The following SETBP1 variants were observed in gnomAD, a reference collection of about 807,000 sequenced individuals.
SETBP1 encodes SET binding protein 1.
A neutral mutation model predicts 101.0 loss-of-function variants in SETBP1; 9 were observed. The ratio of observed to expected loss-of-function variants is 0.09; its 90% CI spans 0.05 to 0.16. SETBP1 has a LOEUF of 0.16. SETBP1 is among the 10% of genes least tolerant of loss of function. SETBP1 has a pLI of 1.00. For synonymous variants in SETBP1, 818 were observed against 788.5 expected (o/e 1.04, Z -0.63); for missense variants, 1,858 against 2,033.8 (o/e 0.91, Z 1.66).
At chr18:44,790,081 T>G (rs2071339096) in intron 2 of SETBP1, among the ~76,000 whole-genome samples, 1 of 152,190 alleles carries the variant, frequency 6.6e-6, no homozygotes, top group Admixed American at 6.5e-5. Context: ...CTGCACAGAT[T>G]ACAGTTCTGT....
chr18:44,890,177 G>A (rs2069735856), intron 3 of SETBP1, among the ~76,000 whole-genome samples: 1 of 152,062 alleles, frequency 6.6e-6, no homozygotes, highest in Admixed American at 6.6e-5. Flanking sequence ...TAGTCACTAT[G>A]TTGTAAAATA....
chr18:44,707,617 CT>C (rs1462947535), intron 2 of SETBP1, among the ~76,000 whole-genome samples: 1 of 152,206 alleles, frequency 6.6e-6, no homozygotes, highest in Non-Finnish European at 1.5e-5. Context: ...CATTCACAAT[CT>C]GCTTTTGAGA....
At chr18:44,815,226 C>G (rs1278666740) in intron 2 of SETBP1, among the ~76,000 whole-genome samples, 1 of 152,234 alleles carries the variant, frequency 6.6e-6, no homozygotes, top group Non-Finnish European at 1.5e-5. Flanking sequence ...CCGTTAGGAA[C>G]TGAACTCTTT....
rs985954731 is a variant in SETBP1 at position 44,701,455 on chromosome 18, C to G, written c.109C>G (p.Pro37Ala). ...PPAAPGCAGEPLLSTPGPGKG... is the reference protein window; with the variant it reads ...PPAAPGCAGEALLSTPGPGKG... ...AGCTGCTCCTGGCTGTGCAGGAGAACCTTTGCTCTCCACTCCAGGACCTGG... is the reference window on the plus strand; with the variant it reads ...AGCTGCTCCTGGCTGTGCAGGAGAAGCTTTGCTCTCCACTCCAGGACCTGG... The change falls in exon 2 of 6, where the codon CCT becomes GCT. Residue 37 changes from proline to alanine, a missense_variant. This residue lies in a region of SETBP1 where 97 missense variants were observed against 101.2 expected (regional missense o/e 0.96). Transcript: ENST00000649279. 6.2e-7 allele frequency: 1 copy of G among 1,612,746 alleles called. No homozygotes were observed. The highest frequency in any genetic ancestry group is 1.3e-5 in the African/African-American group (1 of 74,868).
intron 2 of SETBP1, among the ~76,000 whole-genome samples, chr18:44,844,349 G>A (rs903972556): frequency 4.3e-4 from 35 of 80,826 alleles, no homozygotes; most frequent in Admixed American, 1.7e-3. Context: ...GTGCACACAC[G>A]CGCGCACACA....
chr18:44,680,203 TCGC>T (rs1236617617), upstream of SETBP1: 4 of 140,662 alleles, frequency 2.8e-5, no homozygotes, highest in Non-Finnish European at 4.7e-5. Flanking sequence ...CGCCCGCCGC[TCGC>T]CGCCGCCTCC....
intron 1 of SETBP1, among the ~76,000 whole-genome samples, chr18:44,687,029 A>G (rs976858505): frequency 6.6e-6 from 1 of 152,202 alleles, no homozygotes; most frequent in Non-Finnish European, 1.5e-5. Flanking sequence ...TTAACCATAC[A>G]GTCATCTTTG....
At chr18:44,824,744 G>T (rs1220882182) in intron 2 of SETBP1, among the ~76,000 whole-genome samples, 2 of 152,194 alleles carry the variant, frequency 1.3e-5, no homozygotes, top group African/African-American at 2.4e-5. Context: ...TTGAAAAAAA[G>T]AAGGGGATGG....
chr18:45,013,118 G>A (rs1341073727), intron 4 of SETBP1, among the ~76,000 whole-genome samples: 3 of 152,222 alleles, frequency 2.0e-5, no homozygotes, highest in Non-Finnish European at 2.9e-5. Flanking sequence ...GTTGAGCCCC[G>A]TGGTGTCTGC....
At chr18:44,937,269 G>A (rs2070980560) in intron 3 of SETBP1, among the ~76,000 whole-genome samples, 2 of 151,622 alleles carry the variant, frequency 1.3e-5, no homozygotes, top group Non-Finnish European at 1.5e-5. Context: ...CGGCTAAAAC[G>A]GTGAAACCCC....
In SETBP1 at chr18:45,063,287, G is replaced by A. The variant is rs1395617459; in HGVS notation, c.4380G>A (p.Gln1460=). ...AGAGGCGCGGGCGTCCCAGGAAGCA[G>A]CCCACCCAGTTCGATGAGGACTCCA... is the stretch of plus-strand genomic sequence containing the variant. ...VKKRRGRPRK[Q]PTQFDEDSRD... is the part of the protein sequence containing the mutation. Residue 1460 remains glutamine (Q), a synonymous_variant, in exon 6 of 6, where the codon CAG becomes CAA. Transcript: ENST00000649279. The A allele has an allele frequency of 1.9e-6, 3 of 1,609,534 alleles. No individual in the cohort carries two copies. Among genetic ancestry groups the A allele is most frequent in the Non-Finnish European group, 2.5e-6 (3 of 1,177,746 alleles).
At chr18:44,777,635 C>A in intron 2 of SETBP1, among the ~76,000 whole-genome samples, 1 of 152,168 alleles carries the variant, frequency 6.6e-6, no homozygotes, top group East Asian at 1.9e-4. Flanking sequence ...TGCAGGCAAA[C>A]TGAGGACACA....
At chr18:44,933,820 G>T (rs912100495) in intron 3 of SETBP1, among the ~76,000 whole-genome samples, 5 of 152,184 alleles carry the variant, frequency 3.3e-5, no homozygotes, top group Admixed American at 2.0e-4. Flanking sequence ...TAGGGTGGGA[G>T]TGTCCCAATT....
At chr18:45,029,076 A>G (rs1484176132) in intron 4 of SETBP1, among the ~76,000 whole-genome samples, 1 of 152,174 alleles carries the variant, frequency 6.6e-6, no homozygotes, top group East Asian at 1.9e-4. Context: ...TTAGACATGA[A>G]GTCCTTGCCC....
intron 3 of SETBP1, among the ~76,000 whole-genome samples, chr18:44,915,601 C>T (rs1001059973): frequency 1.3e-5 from 2 of 152,102 alleles, no homozygotes; most frequent in Non-Finnish European, 2.9e-5. Flanking sequence ...ACATGTCAGA[C>T]GGGCAAGATG....
intron 5 of SETBP1, 63 bp downstream of exon 5, chr18:45,038,718 G>T: frequency 1.9e-6 from 3 of 1,561,664 alleles, no homozygotes; most frequent in Non-Finnish European, 2.6e-6. Flanking sequence ...AAAGCCCACT[G>T]AGAATGGCCT....
At chr18:44,827,271 G>T (rs28613621) in intron 2 of SETBP1, among the ~76,000 whole-genome samples, 2 of 152,118 alleles carry the variant, frequency 1.3e-5, no homozygotes, top group African/African-American at 4.8e-5. Flanking sequence ...AAAAACAAAA[G>T]CTTGTGACGA....
At position 44,952,013 on chromosome 18, in the gene SETBP1, G is replaced by A. The variant is rs777737690; in HGVS notation, c.2673G>A (p.Arg891=). Residue 891 remains arginine, a synonymous_variant, in exon 4 of 6, where the codon AGG becomes AGA. Transcript: ENST00000649279. ...QAEKSSESRR[R]YSFDFCSLDN... is the part of the protein sequence containing the mutation. ...AGAAGAGCTCAGAATCCCGAAGGAG[G>A]TACTCTTTTGATTTCTGCTCCCTGG... 2.0e-5 allele frequency: 32 copies of A among 1,613,850 alleles called. No individual in the cohort carries two copies. The highest frequency in any genetic ancestry group is 2.6e-5 in the Non-Finnish European group (31 of 1,180,024).
At chr18:44,888,198 C>G (rs886224470) in intron 3 of SETBP1, among the ~76,000 whole-genome samples, 2 of 151,966 alleles carry the variant, frequency 1.3e-5, no homozygotes, top group African/African-American at 4.8e-5. Context: ...TAAGTTGAGC[C>G]TAAAGCCATG....
Sources: allele counts gnomAD v4.1 joint callset (sites outside exome capture counted in the v4.1 genomes callset), GRCh38; gene constraint gnomAD v4.1.1; regional missense constraint gnomAD v4.1.1; transcripts MANE v1.5; gene names NCBI Gene and HGNC (gene_info 2026-07-23, HGNC 2026-07-21).